PHF6: variants seen among roughly 807,000 people sequenced by gnomAD.
The protein encoded by PHF6 is PHD-like zinc finger protein.
Under a neutral mutation model 34.0 loss-of-function variants are expected in PHF6, and 7 were observed. The ratio of observed to expected loss-of-function variants is 0.21; its 90% CI spans 0.12 to 0.39. PHF6 has a LOEUF of 0.39. Ranked by LOEUF, PHF6 falls within the 10% of genes least tolerant of loss-of-function variation. The pLI is 1.00. For missense variants in PHF6, 128 were observed against 262.8 expected (o/e 0.49, Z 3.55); for synonymous variants, 89 against 88.4 (o/e 1.01, Z -0.04).
At chrX:134,385,018 G>T (rs2124209122) in intron 3 of PHF6, among the ~76,000 whole-genome samples, 1 of 111,321 alleles carries the variant, frequency 9.0e-6, no homozygotes, top group South Asian at 3.7e-4. Context: ...CATACTACTG[G>T]TAGTTACTTG....
In PHF6 at chrX:134,399,276, A is replaced by T. The variant is rs777384977; in HGVS notation, c.418+5324A>T. On this transcript the variant is annotated intron_variant, in intron 5 of 10. Coordinates refer to ENST00000370803, the MANE Select transcript of PHF6 (RefSeq NM_001015877.2). ...TAATAGGGGTAAAAGCCGTATTGAT[A>T]TGCACCTCGATAAATGGGAAGTGAG... Among the ~76,000 whole-genome samples, 8 of 111,512 alleles carry T rather than the reference A, an allele frequency of 7.2e-5. No individual in the cohort carries two copies. The South Asian group carries it at 1.5e-3, about 21-fold the overall frequency.
At chrX:134,404,750 G>A (rs2077415847) in intron 5 of PHF6, among the ~76,000 whole-genome samples, 1 of 111,965 alleles carries the variant, frequency 8.9e-6, no homozygotes, top group South Asian at 3.7e-4. Context: ...TCAGTTAGCA[G>A]CCAACAGCAT....
chrX:134,398,781 A>G (rs2077389109), intron 5 of PHF6, among the ~76,000 whole-genome samples: 1 of 111,714 alleles, frequency 9.0e-6, no homozygotes, highest in Admixed American at 9.5e-5. Context: ...TTATGGGGAA[A>G]GTTGATGAGT....
chrX:134,390,639 T>C (rs1157392842), intron 3 of PHF6, among the ~76,000 whole-genome samples: 3 of 112,272 alleles, frequency 2.7e-5, no homozygotes, highest in African/African-American at 9.7e-5. Context: ...CCTAATTTGT[T>C]TTTTAAATAA....
rs369519913 is a variant in PHF6, at chrX:134,417,013, G to T, written c.835-156G>T. Among the ~76,000 whole-genome samples, 17 of 112,348 alleles carry T rather than the reference G, an allele frequency of 1.5e-4. No individual in the cohort carries two copies. The East Asian group carries it at 4.5e-3, about 30-fold the overall frequency. ...ATGTTAAATAAGGGAAACATCAGGG[G>T]ATGACAATATTAGAGGGCTTATCAA... On this transcript the variant is annotated intron_variant, in intron 8 of 10. Transcript: ENST00000370803.
At chrX:134,423,075 ATT>A (rs1338323735) in intron 9 of PHF6, among the ~76,000 whole-genome samples, 1 of 112,059 alleles carries the variant, frequency 8.9e-6, no homozygotes, top group Non-Finnish European at 1.9e-5. Context: ...AAGTATATAT[ATT>A]AAAGCAAAAT....
intron 5 of PHF6, among the ~76,000 whole-genome samples, chrX:134,403,687 C>A (rs1270703836): frequency 3.6e-5 from 4 of 111,800 alleles, no homozygotes; most frequent in Non-Finnish European, 5.6e-5. Flanking sequence ...CAATGCCTGG[C>A]CTCAAAGCTT....
At chrX:134,400,360 C>T (rs2077398023) in intron 5 of PHF6, among the ~76,000 whole-genome samples, 1 of 102,597 alleles carries the variant, frequency 9.7e-6, no homozygotes, top group Admixed American at 1.1e-4. Flanking sequence ...ACTGGGATTA[C>T]AAGCGTTGAG....
At position 134,409,089 on chromosome X, in the gene PHF6, G is replaced by T. The variant is rs769277569; in HGVS notation, c.419-4402G>T. Reference sequence around the variant, plus strand: ...TACTAATTTTTAGTCAAATATCCCAGTCTTTTCCTTTAGGGCTTCTTATAT... The same window carrying T: ...TACTAATTTTTAGTCAAATATCCCATTCTTTTCCTTTAGGGCTTCTTATAT... On this transcript the variant is annotated intron_variant, in intron 5 of 10. Transcript: ENST00000370803. Among the ~76,000 whole-genome samples, 7 of 111,987 alleles carry T rather than the reference G, an allele frequency of 6.3e-5. No homozygotes were observed. In the South Asian group the frequency reaches 2.2e-3, roughly 36 times the overall value.
At chrX:134,415,671 T>C (rs2077470277) in intron 8 of PHF6, among the ~76,000 whole-genome samples, 2 of 112,256 alleles carry the variant, frequency 1.8e-5, no homozygotes, top group African/African-American at 6.5e-5. Flanking sequence ...ATGTCGGTTA[T>C]TTCTAGAAAT....
At chrX:134,379,055 C>T (rs2355972) in intron 3 of PHF6, among the ~76,000 whole-genome samples, 31,818 of 108,147 alleles carry the variant, frequency 0.29, 3,995 homozygotes, top group East Asian at 0.65. Flanking sequence ...CATATAACTG[C>T]GTTTGTAGTT....
Position 134,425,942 on chromosome X carries a change from C to T in PHF6, c.*282C>T, listed in dbSNP as rs983443026. ...GTGTCAACAGTTAAAGCAGACGAAA[C>T]GAAGTAAGCTATATTTCTGGACTGA... On this transcript the variant is annotated 3_prime_UTR_variant, in exon 11 of 11. Transcript: ENST00000370803. The T allele has an allele frequency of 6.1e-6, 1 of 164,958 alleles. No individual in the cohort carries two copies. Among genetic ancestry groups the T allele is most frequent in the Non-Finnish European group, 1.2e-5 (1 of 84,710 alleles). 13.6% of individuals were successfully genotyped at this position (164,958 alleles called of 1,213,427 possible).
intron 3 of PHF6, among the ~76,000 whole-genome samples, chrX:134,388,577 A>G (rs964192792): frequency 1.1e-4 from 12 of 111,472 alleles, no homozygotes; most frequent in African/African-American, 3.6e-4. Context: ...ACTGACAGAC[A>G]TATTAGATAT....
chrX:134,404,528 A>G (rs1196628314), intron 5 of PHF6, among the ~76,000 whole-genome samples: 1 of 112,431 alleles, frequency 8.9e-6, no homozygotes, highest in African/African-American at 3.2e-5. Flanking sequence ...AATATTCCGT[A>G]AACATGGTTG....
At chrX:134,425,546 A>G in intron 10 of PHF6, 115 bp from the exon 11 acceptor site, 1 of 407,838 alleles carries the variant, frequency 2.5e-6, no homozygotes, top group Non-Finnish European at 4.3e-6. Context: ...TGCTTTATCA[A>G]TAAGTGTAGT....
chrX:134,423,558 G>A (rs149815976), intron 9 of PHF6, among the ~76,000 whole-genome samples: 1,126 of 112,040 alleles, frequency 0.01, 8 homozygotes, highest in Middle Eastern at 0.032. Flanking sequence ...AAAAGAGGTA[G>A]TTCCCAATGT....
chrX:134,374,387 CGCAAAAAGCAGTGCGAA>C (rs770873216), intron 1 of PHF6, among the ~76,000 whole-genome samples: 2 of 111,996 alleles, frequency 1.8e-5, no homozygotes, highest in Non-Finnish European at 3.8e-5. Flanking sequence ...TTTGAATAAC[CGCAAAAAGCAGTGCGAA>C]GCATGTAATA....
intron 3 of PHF6, among the ~76,000 whole-genome samples, chrX:134,383,938 A>C (rs1426353006): frequency 8.9e-6 from 1 of 112,481 alleles, no homozygotes; most frequent in Non-Finnish European, 1.9e-5. Context: ...TTTAGGACAT[A>C]ATCAGACTCC....
chrX:134,411,038 C>T (rs887460648), intron 5 of PHF6, among the ~76,000 whole-genome samples: 13 of 107,146 alleles, frequency 1.2e-4, no homozygotes, highest in African/African-American at 3.4e-4. Context: ...CTGCAAGCTC[C>T]GCCTCCTGGG....
Sources: allele counts gnomAD v4.1 joint callset (sites outside exome capture counted in the v4.1 genomes callset), GRCh38; gene constraint gnomAD v4.1.1; transcripts MANE v1.5; gene names NCBI Gene and HGNC (gene_info 2026-07-23, HGNC 2026-07-21).